Variants in NKD2 observed in about 807,000 individuals in gnomAD.
NKD2 encodes NKD inhibitor of Wnt signaling pathway 2.
NKD2 carries 43 observed loss-of-function variants against 34.8 expected under a neutral mutation model. The ratio of observed to expected loss-of-function variants is 1.24; its 90% CI spans 0.97 to 1.60. The LOEUF is 1.60. Ranked by LOEUF, NKD2 falls within the 40% of genes most tolerant of loss-of-function variation. NKD2 has a pLI of 0.00. For synonymous variants in NKD2, 278 were observed against 265.1 expected (o/e 1.05, Z -0.47); for missense variants, 675 against 627.1 (o/e 1.08, Z -0.82).
intron 3 of NKD2, among the ~76,000 whole-genome samples, chr5:1,027,098 C>T (rs935400598): frequency 6.6e-6 from 1 of 152,242 alleles, no homozygotes; most frequent in Non-Finnish European, 1.5e-5. Flanking sequence ...TCCTGGGGGC[C>T]CCCTGGGCAC....
Position 1,038,822 on chromosome 5 carries a change from CA to C in NKD2, c.*450del, listed in dbSNP as rs367812894. 53 of 339,674 alleles carry C rather than the reference CA, an allele frequency of 1.6e-4. No individual in the cohort carries two copies. In the East Asian group the frequency reaches 1.7e-3, roughly 11 times the overall value. 21.0% of individuals were successfully genotyped at this position (339,674 alleles called of 1,614,324 possible). On this transcript the variant is annotated 3_prime_UTR_variant, in exon 10 of 10. Coordinates refer to ENST00000296849, the MANE Select transcript of NKD2 (RefSeq NM_033120.4). This position sits in a 1 kb window ranked among gnomAD's most constrained non-coding sequence, Gnocchi z 4.5. ...AAGCTGAGGCTTTGCCTGGCTTGTG[CA>C]TCATGAAGTGAGAGGGGACAGGGCC...
In NKD2 at chr5:1,034,230, C is replaced by A; in HGVS notation, c.331-5C>A. ...CGAGGTCCCGGCCCCCACGTCCCCC[C>A]ACAGGCACTCCAGTGCGATGTCTCG... On this transcript the variant is annotated splice_polypyrimidine_tract_variant and splice_region_variant and intron_variant, in intron 5 of 9. Coordinates refer to ENST00000296849, the MANE Select transcript of NKD2 (RefSeq NM_033120.4). 1 of 1,609,734 alleles carries A rather than the reference C, an allele frequency of 6.2e-7. No homozygotes were observed. Among genetic ancestry groups the A allele is most frequent in the African/African-American group, 1.3e-5 (1 of 74,966 alleles).
chr5:1,027,720 A>T (rs10474858), intron 3 of NKD2, among the ~76,000 whole-genome samples: 4 of 151,996 alleles, frequency 2.6e-5, no homozygotes, highest in Non-Finnish European at 5.9e-5. Context: ...CGGGCGTTCC[A>T]CCAGAGCTGT....
chr5:1,035,928 GGTGGCTGGGGT>G (rs1733892106), intron 8 of NKD2: 2 of 376,168 alleles, frequency 5.3e-6, no homozygotes, highest in Non-Finnish European at 9.5e-6. Context: ...GGGGTGGCTG[GGTGGCTGGGGT>G]GTGGCTGGCG....
intron 6 of NKD2, 132 bp downstream of exon 6, chr5:1,034,462 T>G (rs1488752058): frequency 3.8e-6 from 3 of 789,724 alleles, no homozygotes; most frequent in Non-Finnish European, 6.4e-6. Flanking sequence ...CAGCTGGGCT[T>G]GCGTCTCCCC....
At chr5:1,015,148 G>T (rs1027037395) in intron 3 of NKD2, among the ~76,000 whole-genome samples, 4 of 152,244 alleles carry the variant, frequency 2.6e-5, no homozygotes, top group Admixed American at 2.6e-4. Flanking sequence ...CCGGGGTGCT[G>T]CAAGCCAGAG....
intron 9 of NKD2, chr5:1,036,847 C>A (rs34413936): frequency 0.5 from 227,826 of 455,622 alleles, 57,433 homozygotes; most frequent in East Asian, 0.63. Flanking sequence ...CAGACAGTGT[C>A]GACAGCAGGC....
At chr5:1,031,169 G>T (rs569690736) in intron 3 of NKD2, among the ~76,000 whole-genome samples, 53 of 152,172 alleles carry the variant, frequency 3.5e-4, no homozygotes, top group Non-Finnish European at 6.8e-4. Context: ...AGGGACCCCG[G>T]CAGGGCAGAC....
intron 3 of NKD2, among the ~76,000 whole-genome samples, chr5:1,015,515 A>G (rs980986043): frequency 1.3e-5 from 2 of 152,210 alleles, no homozygotes; most frequent in African/African-American, 4.8e-5. Context: ...GCTGAGCCCT[A>G]TGTCCTTCCT....
chr5:1,014,704 C>G (rs1755879773), intron 3 of NKD2, among the ~76,000 whole-genome samples: 1 of 152,202 alleles, frequency 6.6e-6, no homozygotes, highest in South Asian at 2.1e-4. Flanking sequence ...GGGTTCGGCT[C>G]TTTCTATTTC....
chr5:1,028,032 G>C (rs928187583), intron 3 of NKD2, among the ~76,000 whole-genome samples: 4 of 152,202 alleles, frequency 2.6e-5, no homozygotes, highest in Admixed American at 2.0e-4. Flanking sequence ...CACTCCTTTT[G>C]ACTTTTCCAA....
In NKD2 at chr5:1,038,251, C is replaced by T. The variant is rs562742543; in HGVS notation, c.1234C>T (p.Arg412Trp). Residue 412 changes from arginine to tryptophan, a missense_variant, in exon 10 of 10, where the codon CGG becomes TGG. Coordinates refer to ENST00000296849, the MANE Select transcript of NKD2 (RefSeq NM_033120.4). This position sits in a 1 kb window ranked among gnomAD's most constrained non-coding sequence, Gnocchi z 4.5. ...TGCCACAGTGGAGCACGAGGTGGTG[C>T]GGGACCTGCCGCCCACGCCAGCAGG... ...QPATVEHEVV[R>W]DLPPTPAGEG... 8.8e-5 allele frequency: 140 copies of T among 1,583,346 alleles called. No homozygotes were observed. In the Middle Eastern group the frequency reaches 1.2e-3, roughly 14 times the overall value.
intron 3 of NKD2, among the ~76,000 whole-genome samples, chr5:1,021,374 A>AC: frequency 3.0e-5 from 1 of 33,410 alleles, no homozygotes; most frequent in East Asian, 1.1e-3. Flanking sequence ...CCCTCCACCC[A>AC]CCCACCCACC....
chr5:1,010,857 A>T (rs1755726200), intron 3 of NKD2, among the ~76,000 whole-genome samples: 2 of 152,226 alleles, frequency 1.3e-5, no homozygotes, highest in African/African-American at 2.4e-5. Context: ...GCCCCTGTCC[A>T]TTGGCCCACT....
At position 1,022,219 on chromosome 5, in the gene NKD2, T is replaced by C. The variant is rs868334552; in HGVS notation, c.142-9933T>C. On this transcript the variant is annotated intron_variant, in intron 3 of 9. Coordinates refer to ENST00000296849, the MANE Select transcript of NKD2 (RefSeq NM_033120.4). ...CCCTGCTCTTCCCACCCGCTGTGGG[T>C]GTCCCAGCCCTTTGTCCCTGCTCTT... Among the ~76,000 whole-genome samples the C allele has an allele frequency of 1.2e-3, 144 of 117,628 alleles. No homozygotes were observed. The East Asian group carries it at 0.014, about 11-fold the overall frequency. The allele number at this position is 117,628 out of a possible 152,430, so 77.2% of individuals were successfully genotyped here.
intron 3 of NKD2, among the ~76,000 whole-genome samples, chr5:1,023,650 T>G (rs370368177): frequency 8.4e-3 from 24 of 2,846 alleles, no homozygotes; most frequent in African/African-American, 8.9e-3. Context: ...CTTCCCACCC[T>G]CTGTGGGCGT....
rs1041697935 is a variant in NKD2, at chr5:1,009,555, A to G, written c.136A>G (p.Lys46Glu). 148 of 1,484,546 alleles carry G rather than the reference A, an allele frequency of 1.0e-4. 1 individual carries two copies. The highest frequency in any genetic ancestry group is 1.3e-4 in the Non-Finnish European group (143 of 1,126,822). The allele number at this position is 1,484,546 out of a possible 1,614,324, so 92.0% of individuals were successfully genotyped here. ...GGAAGCGGAGCGGCGCGCGCGGGAC[A>G]AGCAGGTAGGCGGCGGGGCGGAGGC... The part of the protein sequence containing the change: ...AEEAERRARD[K>E]QELPNGDPKE... The change falls in exon 3 of 10, where the codon AAG becomes GAG. Residue 46 changes from lysine to glutamate, a missense_variant. Transcript: ENST00000296849. The surrounding 1 kb of genome is among the most constrained non-coding windows in gnomAD (Gnocchi z 6.9).
chr5:1,031,353 T>A (rs1756638361), intron 3 of NKD2, among the ~76,000 whole-genome samples: 1 of 152,094 alleles, frequency 6.6e-6, no homozygotes, highest in Admixed American at 6.5e-5. Context: ...GCTCTGGCCG[T>A]CCAGGTGGAC....
chr5:1,030,919 TCTCA>T (rs547223951), intron 3 of NKD2, among the ~76,000 whole-genome samples: 1 of 152,078 alleles, frequency 6.6e-6, no homozygotes, highest in South Asian at 2.1e-4. Flanking sequence ...GGGGCCTGGG[TCTCA>T]CTCAACAATA....
Sources: gnomAD v4.1 joint callset for allele counts (sites outside exome capture counted in the v4.1 genomes callset) on GRCh38, gnomAD v4.1.1 for gene constraint, Gnocchi (gnomAD v3.1) non-coding constraint, MANE v1.5 for transcripts, NCBI Gene and HGNC (gene_info 2026-07-23, HGNC 2026-07-21) for gene names.